The following MYT1L variants were observed in gnomAD, a reference collection of about 807,000 sequenced individuals.
The protein encoded by MYT1L is myelin transcription factor 1 like, also known as myelin transcription factor 1-like protein.
A neutral mutation model predicts 126.7 loss-of-function variants in MYT1L; 12 were observed. The observed-to-expected ratio is 0.09, with a 90% CI of 0.06 to 0.15. MYT1L has a LOEUF of 0.15. Ranked by LOEUF, MYT1L falls within the 10% of genes least tolerant of loss-of-function variation. The pLI is 1.00. For missense variants in MYT1L, 979 were observed against 1,585.2 expected (o/e 0.62, Z 6.49); for synonymous variants, 541 against 604.2 (o/e 0.90, Z 1.53).
chr2:1,889,445 G>A lies in MYT1L; in HGVS notation c.2316C>T (p.Thr772=). The change falls in exon 16 of 25, where the codon ACC becomes ACT. Residue 772 remains threonine, a synonymous_variant. Transcript: ENST00000647738. This position sits in a 1 kb window ranked among gnomAD's most constrained non-coding sequence, Gnocchi z 4.1. ...NPDMEVDENG[T]LDLSMNKQRP... Reference sequence around the variant, plus strand: ...TCTGCTTGTTCATGCTGAGGTCCAGGGTCCCGTTCTCATCCACCTCCATGT... The same window carrying A: ...TCTGCTTGTTCATGCTGAGGTCCAGAGTCCCGTTCTCATCCACCTCCATGT... 2.5e-6 allele frequency: 4 copies of A among 1,608,962 alleles called. No individual in the cohort carries two copies. The highest frequency in any genetic ancestry group is 1.3e-5 in the African/African-American group (1 of 74,894).
chr2:2,187,812 T>C (rs2092320332), intron 2 of MYT1L, among the ~76,000 whole-genome samples: 1 of 152,132 alleles, frequency 6.6e-6, no homozygotes, highest in African/African-American at 2.4e-5. Flanking sequence ...CTCCCACAAG[T>C]CTCAATACAC....
chr2:2,318,390 A>T (rs2096104858), intron 1 of MYT1L, among the ~76,000 whole-genome samples: 1 of 152,180 alleles, frequency 6.6e-6, no homozygotes, highest in African/African-American at 2.4e-5. Flanking sequence ...TACTGTTTTG[A>T]TCATTAACTT....
chr2:1,860,950 G>A (rs1363787270), intron 18 of MYT1L, among the ~76,000 whole-genome samples: 1 of 151,778 alleles, frequency 6.6e-6, no homozygotes, highest in Non-Finnish European at 1.5e-5. Flanking sequence ...CCACCACGGC[G>A]ACCACGCTCA....
chr2:2,102,300 T>C (rs2078197119), intron 3 of MYT1L, among the ~76,000 whole-genome samples: 1 of 152,254 alleles, frequency 6.6e-6, no homozygotes, highest in Non-Finnish European at 1.5e-5. Flanking sequence ...ATGAGAATTA[T>C]AGTTTAATAA....
chr2:2,032,762 C>T (rs1180879668), intron 4 of MYT1L, among the ~76,000 whole-genome samples: 10 of 103,648 alleles, frequency 9.6e-5, no homozygotes, highest in South Asian at 8.3e-4. Flanking sequence ...GCCTCTCATC[C>T]TGTGGCCCAG....
chr2:2,108,487 C>T (rs900609620), intron 3 of MYT1L, among the ~76,000 whole-genome samples: 1 of 152,198 alleles, frequency 6.6e-6, no homozygotes, highest in African/African-American at 2.4e-5. Context: ...GGAGGATCTT[C>T]CCTCACACTG....
At chr2:2,138,812 T>C (rs1440200217) in intron 3 of MYT1L, among the ~76,000 whole-genome samples, 2 of 149,652 alleles carry the variant, frequency 1.3e-5, no homozygotes, top group East Asian at 2.0e-4. Flanking sequence ...ACCTGCACAT[T>C]GTGCACATGT....
intron 4 of MYT1L, among the ~76,000 whole-genome samples, chr2:2,048,037 CTG>C (rs1367961802): frequency 1.3e-5 from 2 of 152,166 alleles, no homozygotes; most frequent in Non-Finnish European, 2.9e-5. Flanking sequence ...AGACCTTGGA[CTG>C]TGAGCTTGTT....
chr2:2,013,512 C>T (rs963239774), intron 4 of MYT1L, among the ~76,000 whole-genome samples: 5 of 152,196 alleles, frequency 3.3e-5, no homozygotes, highest in South Asian at 2.1e-4. Context: ...AGCCTGGAAC[C>T]GGAGGCTCAT....
At chr2:1,977,327 T>C (rs774858344) in intron 8 of MYT1L, among the ~76,000 whole-genome samples, 8 of 151,690 alleles carry the variant, frequency 5.3e-5, no homozygotes, top group Non-Finnish European at 1.2e-4. Context: ...GGGAAAGAGA[T>C]CTCATGAACA....
intron 2 of MYT1L, among the ~76,000 whole-genome samples, chr2:2,276,531 C>T (rs2149373268): frequency 6.6e-6 from 1 of 152,196 alleles, no homozygotes. Flanking sequence ...CAGGAAGACT[C>T]CAGTTATTTG....
At chr2:2,006,962 G>T (rs180813124) in intron 4 of MYT1L, among the ~76,000 whole-genome samples, 10 of 151,878 alleles carry the variant, frequency 6.6e-5, no homozygotes, top group Middle Eastern at 3.4e-3. Flanking sequence ...ATATTACGTA[G>T]TATAATATTT....
chr2:2,313,718 A>G (rs2096014842), intron 1 of MYT1L, among the ~76,000 whole-genome samples: 1 of 152,162 alleles, frequency 6.6e-6, no homozygotes, highest in South Asian at 2.1e-4. Flanking sequence ...TAAGTAAAAT[A>G]TGATTTATAC....
Position 1,894,638 on chromosome 2 carries a change from T to C in MYT1L, c.2033-2351A>G, listed in dbSNP as rs535053928. 1.4e-4 allele frequency among the ~76,000 whole-genome samples: 21 copies of C among 151,654 alleles called. 1 individual carries two copies. In the South Asian group the frequency reaches 4.4e-3, roughly 32 times the overall value. ...TAAATTAAAAAAAATAACACTTTTG[T>C]TTTGAAATGAGGGAATTTCAATTCC... is the stretch of plus-strand genomic sequence containing the variant. On this transcript the variant is annotated intron_variant, in intron 14 of 24. Transcript: ENST00000647738.
intron 4 of MYT1L, among the ~76,000 whole-genome samples, chr2:2,010,404 G>A (rs2063715584): frequency 6.6e-6 from 1 of 152,130 alleles, no homozygotes; most frequent in South Asian, 2.1e-4. Context: ...CTATGAACAA[G>A]CTGTGAAATG....
chr2:2,259,247 G>A (rs1360443441), intron 2 of MYT1L, among the ~76,000 whole-genome samples: 1 of 104,494 alleles, frequency 9.6e-6, no homozygotes, highest in Non-Finnish European at 1.9e-5. Flanking sequence ...ACTGTGGTGG[G>A]GTCGGGGGAG....
intron 2 of MYT1L, among the ~76,000 whole-genome samples, chr2:2,267,308 CTCG>C (rs1235556724): frequency 6.6e-6 from 1 of 152,200 alleles, no homozygotes; most frequent in African/African-American, 2.4e-5. Context: ...GCACAGGGGC[CTCG>C]CCCTCACTTC....
At position 1,922,623 on chromosome 2, in the gene MYT1L, G is replaced by A; in HGVS notation, c.1146C>T (p.Leu382=). The A allele has an allele frequency of 6.2e-7, 1 of 1,613,962 alleles. No individual in the cohort carries two copies. Among genetic ancestry groups the A allele is most frequent in the Non-Finnish European group, 8.5e-7 (1 of 1,179,876 alleles). Residue 382 remains leucine, a synonymous_variant, in exon 10 of 25, where the codon CTC becomes CTT. Coordinates refer to ENST00000647738, the MANE Select transcript of MYT1L (RefSeq NM_001303052.2). This position sits in a 1 kb window ranked among gnomAD's most constrained non-coding sequence, Gnocchi z 7.4. ...GGCTCAACTGCTCCTCCAGCCGCAT[G>A]AGGTTCAGCATGTCCGAGTAGTTTC... ...PDRNYSDMLN[L]MRLEEQLSPR...
At chr2:2,263,915 A>C (rs1292350444) in intron 2 of MYT1L, among the ~76,000 whole-genome samples, 1 of 152,210 alleles carries the variant, frequency 6.6e-6, no homozygotes, top group Non-Finnish European at 1.5e-5. Flanking sequence ...GGGGTAACAA[A>C]TCTGCACATT....
Sources: gnomAD v4.1 joint callset for allele counts (sites outside exome capture counted in the v4.1 genomes callset) on GRCh38, gnomAD v4.1.1 for gene constraint, Gnocchi (gnomAD v3.1) non-coding constraint, MANE v1.5 for transcripts, NCBI Gene and HGNC (gene_info 2026-07-23, HGNC 2026-07-21) for gene names.